The following LARGE1 variants were observed in gnomAD, a reference collection of about 807,000 sequenced individuals.
The protein encoded by LARGE1 is LARGE xylosyl- and glucuronyltransferase 1.
In LARGE1, 43 loss-of-function variants were observed where a neutral mutation model predicts 87.6. The ratio of observed to expected loss-of-function variants is 0.49; its 90% CI spans 0.38 to 0.63. LARGE1 has a LOEUF of 0.63. LARGE1 is among the 30% of genes least tolerant of loss of function. LARGE1 has a pLI of 0.00. For missense variants in LARGE1, 802 were observed against 1,000.2 expected, an observed-to-expected ratio of 0.80 and a Z score of 2.67; for synonymous variants, 434 against 394.6, an observed-to-expected ratio of 1.10 and a Z score of -1.18.
chr22:33,115,687 A>G, the LARGE1 span, among the ~76,000 whole-genome samples: 9 of 152,038 alleles, frequency 5.9e-5, no homozygotes, highest in East Asian at 5.8e-4. Context: ...GCATGGTGGC[A>G]CACACCTGTA....
chr22:33,789,620 AGCTACCCAACTCC>A (rs2085759362), intron 1 of LARGE1, among the ~76,000 whole-genome samples: 1 of 152,200 alleles, frequency 6.6e-6, no homozygotes, highest in Non-Finnish European at 1.5e-5. Flanking sequence ...ACAGGGGTAG[AGCTACCCAACTCC>A]ATGGGAGCCC....
At chr22:33,697,269 TCAG>T (rs1219377639) in intron 2 of LARGE1, among the ~76,000 whole-genome samples, 2 of 152,142 alleles carry the variant, frequency 1.3e-5, no homozygotes, top group East Asian at 3.9e-4. Flanking sequence ...TATACAGATC[TCAG>T]CAGATACAGC....
intron 11 of LARGE1, among the ~76,000 whole-genome samples, chr22:33,205,948 C>CTTTTTTTTTT (rs386395258): frequency 3.3e-4 from 28 of 84,968 alleles, no homozygotes; most frequent in Non-Finnish European, 5.0e-4. Context: ...CATGCTAATT[C>CTTTTTTTTTT]TTTTTTTTTT....
At chr22:33,823,615 C>T (rs1177311603) in intron 1 of LARGE1, among the ~76,000 whole-genome samples, 5 of 152,194 alleles carry the variant, frequency 3.3e-5, no homozygotes, top group South Asian at 4.1e-4. Context: ...CCTTGCCCTC[C>T]GCATCTGAGG....
chr22:33,270,621 T>C (rs1196294746), downstream of LARGE1, among the ~76,000 whole-genome samples: 1 of 152,164 alleles, frequency 6.6e-6, no homozygotes, highest in Non-Finnish European at 1.5e-5. Context: ...ATAGAAGTCT[T>C]GGTTCAATAA....
rs1052207157 is a variant in LARGE1, at chr22:33,831,489, C to T, written c.-82-69931G>A. Reference sequence around the variant, plus strand: ...CGTGAGGACGGAGTGGGAGGCTCATCGGAAGCTGCCTCTTCTCCTCTTGCC... The same window carrying T: ...CGTGAGGACGGAGTGGGAGGCTCATTGGAAGCTGCCTCTTCTCCTCTTGCC... On this transcript the variant is annotated intron_variant, in intron 1 of 14. Coordinates refer to ENST00000397394, the MANE Select transcript of LARGE1 (RefSeq NM_133642.5). Among the ~76,000 whole-genome samples the T allele has an allele frequency of 2.0e-5, 3 of 152,106 alleles. No homozygotes were observed. In the East Asian group the frequency reaches 5.8e-4, roughly 30 times the overall value.
At chr22:33,775,886 T>TGCTACCAGCATCGGGTGGGTC (rs2085220749) in intron 1 of LARGE1, among the ~76,000 whole-genome samples, 1 of 146,342 alleles carries the variant, frequency 6.8e-6, no homozygotes, top group Non-Finnish European at 1.5e-5. Flanking sequence ...GAGGGTGGGA[T>TGCTACCAGCATCGGGTGGGTC]GCTACCAGCA....
At chr22:33,814,730 G>A (rs1601681833) in intron 1 of LARGE1, among the ~76,000 whole-genome samples, 1 of 143,462 alleles carries the variant, frequency 7.0e-6, no homozygotes, top group African/African-American at 2.8e-5. Flanking sequence ...GTATATGTGT[G>A]TGTGTGTGTG....
the LARGE1 span, among the ~76,000 whole-genome samples, chr22:33,118,098 G>A: frequency 3.9e-5 from 6 of 152,188 alleles, no homozygotes; most frequent in Non-Finnish European, 5.9e-5. Context: ...ATTAGGACCA[G>A]AGGCAGGGTG....
rs934625515 is a variant in LARGE1, at chr22:33,604,600, G to T, written c.492-42C>A. 5 of 1,613,208 alleles carry T rather than the reference G, an allele frequency of 3.1e-6. No homozygotes were observed. The East Asian group carries it at 8.9e-5, about 29-fold the overall frequency. ...AAGGAAGGGTCAGGTGGAGAGGTACGGCTCTTTGAATTACAGCTGCAAAAA... is the reference window on the plus strand; with the variant it reads ...AAGGAAGGGTCAGGTGGAGAGGTACTGCTCTTTGAATTACAGCTGCAAAAA... On this transcript the variant is annotated intron_variant, in intron 4 of 14. Transcript: ENST00000397394.
At chr22:33,793,341 A>C (rs1327497447) in intron 1 of LARGE1, among the ~76,000 whole-genome samples, 6 of 152,156 alleles carry the variant, frequency 3.9e-5, no homozygotes, top group Non-Finnish European at 7.3e-5. Flanking sequence ...GGCTTCAATG[A>C]GGAAGGACAA....
chr22:33,178,911 G>T (rs1002355276), intron 11 of LARGE1, among the ~76,000 whole-genome samples: 3 of 152,114 alleles, frequency 2.0e-5, no homozygotes, highest in African/African-American at 4.8e-5. Context: ...ATAAAGAAAA[G>T]AAATTTATTT....
chr22:33,568,724 C>T (rs1414602298), intron 5 of LARGE1, among the ~76,000 whole-genome samples: 1 of 138,776 alleles, frequency 7.2e-6, no homozygotes, highest in Non-Finnish European at 1.5e-5. Context: ...AGAGATCGCA[C>T]CATTGCACTC....
chr22:33,099,583 AG>A, the LARGE1 span, among the ~76,000 whole-genome samples: 1 of 152,160 alleles, frequency 6.6e-6, no homozygotes. Context: ...AAGGTGGGCA[AG>A]GCGTGTTCCC....
At chr22:33,490,669 G>C (rs920763532) in intron 6 of LARGE1, among the ~76,000 whole-genome samples, 2 of 152,138 alleles carry the variant, frequency 1.3e-5, no homozygotes, top group African/African-American at 2.4e-5. Context: ...CAGCTTCCCG[G>C]CTCACTAAAG....
chr22:33,210,577 C>T (rs921528792), intron 11 of LARGE1, among the ~76,000 whole-genome samples: 6 of 152,240 alleles, frequency 3.9e-5, no homozygotes, highest in Non-Finnish European at 7.3e-5. Flanking sequence ...CCACCAGGCC[C>T]GCTGCTATGG....
intron 1 of LARGE1, among the ~76,000 whole-genome samples, chr22:33,829,444 T>G (rs533371162): frequency 6.6e-6 from 1 of 152,276 alleles, no homozygotes; most frequent in South Asian, 2.1e-4. Context: ...TCATACCTAT[T>G]TGTTTGTTTA....
At chr22:33,533,042 G>C (rs2076942560) in intron 6 of LARGE1, among the ~76,000 whole-genome samples, 1 of 152,118 alleles carries the variant, frequency 6.6e-6, no homozygotes, top group Non-Finnish European at 1.5e-5. Context: ...TGAGAAAAAA[G>C]AAACATCAAG....
chr22:33,502,128 G>A (rs2267220), intron 6 of LARGE1, among the ~76,000 whole-genome samples: 21,594 of 151,566 alleles, frequency 0.14, 1,757 homozygotes, highest in East Asian at 0.37. Flanking sequence ...CCCAGGAGGC[G>A]GAGGCTGCAG....
Sources: gnomAD v4.1 joint callset for allele counts (sites outside exome capture counted in the v4.1 genomes callset) on GRCh38, gnomAD v4.1.1 for gene constraint, MANE v1.5 for transcripts, NCBI Gene and HGNC (gene_info 2026-07-23, HGNC 2026-07-21) for gene names.